The following TRIM51 variants were observed in gnomAD, a reference collection of about 807,000 sequenced individuals.
The protein encoded by TRIM51 is tripartite motif-containing 51.
In TRIM51, 23 loss-of-function variants were observed where a neutral mutation model predicts 32.7. The ratio of observed to expected loss-of-function variants is 0.70; its 90% CI spans 0.51 to 1.00. TRIM51 has a LOEUF of 1.00. TRIM51 is among the 50% of genes least tolerant of loss of function. TRIM51 has a pLI of 0.00. For synonymous variants in TRIM51, 177 were observed against 181.9 expected (o/e 0.97, Z 0.22); for missense variants, 592 against 539.2 (o/e 1.10, Z -0.97).
At position 55,891,588 on chromosome 11, in the gene TRIM51, T is replaced by C. The variant is rs1590636467; in HGVS notation, c.1315T>C (p.Phe439Leu). 2 of 1,613,410 alleles carry C rather than the reference T, an allele frequency of 1.2e-6. No homozygotes were observed. Among genetic ancestry groups the C allele is most frequent in the East Asian group, 4.5e-5 (2 of 44,850 alleles). Reference protein sequence around the residue: ...SLIYTIPNCSFSPPLRPIFCC... With the variant: ...SLIYTIPNCSLSPPLRPIFCC... ...GATATACACCATCCCCAATTGCTCC[T>C]TCTCACCTCCTCTCAGGCCTATCTT... is the stretch of plus-strand genomic sequence containing the variant. Residue 439 changes from phenylalanine (F) to leucine (L), a missense_variant, in exon 7 of 7, where the codon TTC becomes CTC. Coordinates refer to ENST00000449290, the MANE Select transcript of TRIM51 (RefSeq NM_032681.4).
In TRIM51 at chr11:55,891,701, G is replaced by A. The variant is rs561529025; in HGVS notation, c.*69G>A. The A allele has an allele frequency of 1.9e-4, 290 of 1,557,094 alleles. No individual in the cohort carries two copies. The highest frequency in any genetic ancestry group is 2.7e-4 in the East Asian group (12 of 44,576). Reference sequence around the variant, plus strand: ...TTTATCCCAGAAAGCCCTCTTTTTCGCACCTCATCAAACAGAACAAATAAG... The same window carrying A: ...TTTATCCCAGAAAGCCCTCTTTTTCACACCTCATCAAACAGAACAAATAAG... On this transcript the variant is annotated 3_prime_UTR_variant, in exon 7 of 7. Transcript: ENST00000449290.
At chr11:55,889,638 G>A (rs965866889) in intron 5 of TRIM51, among the ~76,000 whole-genome samples, 2 of 152,060 alleles carry the variant, frequency 1.3e-5, no homozygotes, top group Non-Finnish European at 2.9e-5. Flanking sequence ...GGAATTTCTG[G>A]TGAGGTCTGG....
intron 1 of TRIM51, among the ~76,000 whole-genome samples, chr11:55,884,153 ATAAC>A (rs1854542238): frequency 6.1e-5 from 5 of 82,296 alleles, no homozygotes; most frequent in African/African-American, 3.2e-4. Context: ...GTACATAACT[ATAAC>A]TATATATATA....
At chr11:55,884,182 T>TACATAC (rs1854546059) in intron 1 of TRIM51, among the ~76,000 whole-genome samples, 3 of 110,256 alleles carry the variant, frequency 2.7e-5, no homozygotes, top group African/African-American at 7.2e-5. Context: ...TATATATATA[T>TACATAC]ACACATACCA....
intron 1 of TRIM51, among the ~76,000 whole-genome samples, chr11:55,884,210 G>A (rs1854547443): frequency 1.0e-5 from 1 of 99,632 alleles, no homozygotes; most frequent in African/African-American, 3.6e-5. Context: ...TTACAATTGT[G>A]GTACAATTGC....
chr11:55,886,026 G>A, intron 2 of TRIM51, 97 bp from the exon 3 acceptor site: 1 of 1,482,642 alleles, frequency 6.7e-7, no homozygotes, highest in Admixed American at 2.1e-5. Flanking sequence ...TCTTTTCTGT[G>A]GGTTAATTTG....
intron 1 of TRIM51, among the ~76,000 whole-genome samples, chr11:55,885,009 T>G (rs374619639): frequency 1.1e-4 from 16 of 152,022 alleles, no homozygotes; most frequent in African/African-American, 3.6e-4. Flanking sequence ...TAGCAACCTC[T>G]GACCATCTTC....
In TRIM51 at chr11:55,891,268, G is replaced by A; in HGVS notation, c.995G>A (p.Gly332Glu). 2 of 1,609,446 alleles carry A rather than the reference G, an allele frequency of 1.2e-6. No homozygotes were observed. The highest frequency in any genetic ancestry group is 1.1e-5 in the South Asian group (1 of 91,070). The change falls in exon 7 of 7, where the codon GGG becomes GAG. Residue 332 changes from glycine (G) to glutamate (E), a missense_variant. Physicochemically the swap from Gly to Glu is moderately conservative, Grantham distance 98. Transcript: ENST00000449290. ...TGKSECFLVW[G>E]AQAFTSGKYY... The stretch of plus-strand genomic sequence containing the variant: ...AAATCTGAATGTTTTCTTGTATGGG[G>A]GGCTCAGGCTTTCACATCTGGCAAA...
At chr11:55,887,481 A>G (rs372322790) in intron 3 of TRIM51, among the ~76,000 whole-genome samples, 3 of 152,048 alleles carry the variant, frequency 2.0e-5, no homozygotes, top group Admixed American at 6.6e-5. Context: ...AACAGCATGT[A>G]CAGTAATATT....
chr11:55,891,732 T>C lies in TRIM51; in HGVS notation c.*100T>C. On this transcript the variant is annotated 3_prime_UTR_variant, in exon 7 of 7. Transcript: ENST00000449290. ...CATCAAACAGAACAAATAAGTTATA[T>C]TTAATGTCTTTAGTTGCATTCTAAT... 1.5e-6 allele frequency: 2 copies of C among 1,331,066 alleles called. No individual in the cohort carries two copies. The highest frequency in any genetic ancestry group is 2.1e-6 in the Non-Finnish European group (2 of 964,994). 82.5% of individuals were successfully genotyped at this position (1,331,066 alleles called of 1,614,324 possible). A position where few individuals can be genotyped will look rare whatever the true frequency, so the allele number is the denominator to read the frequency against.
rs185343351 is a variant in TRIM51, at chr11:55,889,583, G to A, written c.762-359G>A. 1.0e-3 allele frequency among the ~76,000 whole-genome samples: 153 copies of A among 152,222 alleles called. 2 individuals are homozygous for A. Among genetic ancestry groups the A allele is most frequent in the Non-Finnish European group, 1.8e-3 (125 of 68,008 alleles). On this transcript the variant is annotated intron_variant, in intron 5 of 6. Transcript: ENST00000449290. ...TGGCCTTGAGAAGGGAGCAACAGAC[G>A]CAGCAGTCTTAAAAATAACCCCACT...
rs1458218535 is a variant in TRIM51 at position 55,884,182 on chromosome 11, T to TATATATATATATATATAC, written c.-5+799_-5+800insTATATATATATATATACA. ...CTATATATATATATATATATATATA[T>TATATATATATATATATAC]ACACATACCAAAAATACTTACAATT... On this transcript the variant is annotated intron_variant, in intron 1 of 6. Coordinates refer to ENST00000449290, the MANE Select transcript of TRIM51 (RefSeq NM_032681.4). Among the ~76,000 whole-genome samples the TATATATATATATATATAC allele has an allele frequency of 2.4e-3, 268 of 110,076 alleles. 2 individuals are homozygous for TATATATATATATATATAC. Among genetic ancestry groups the TATATATATATATATATAC allele is most frequent in the Non-Finnish European group, 2.9e-3 (155 of 53,570 alleles). The allele number at this position is 110,076 out of a possible 152,430, so 72.2% of individuals were successfully genotyped here. A position where few individuals can be genotyped will look rare whatever the true frequency, so the allele number is the denominator to read the frequency against.
At position 55,891,476 on chromosome 11, in the gene TRIM51, T is replaced by C. The variant is rs367610040; in HGVS notation, c.1203T>C (p.Tyr401=). The change falls in exon 7 of 7, where the codon TAT becomes TAC. Residue 401 remains tyrosine, a synonymous_variant. Transcript: ENST00000449290. ...LFTTSPLVVQ[Y]VPRPTSTVGL... is the part of the protein sequence containing the mutation. Reference sequence around the variant, plus strand: ...CCACCTCCCCACTTGTGGTGCAATATGTTCCAAGACCTACCAGCACAGTAG... The same window carrying C: ...CCACCTCCCCACTTGTGGTGCAATACGTTCCAAGACCTACCAGCACAGTAG... 5.0e-6 allele frequency: 8 copies of C among 1,613,286 alleles called. No individual in the cohort carries two copies. Among genetic ancestry groups the C allele is most frequent in the Admixed American group, 1.7e-5 (1 of 59,970 alleles).
chr11:55,890,955 T>A (rs1267311893), intron 6 of TRIM51, among the ~76,000 whole-genome samples, 178 bp from the exon 7 acceptor site: 6 of 152,186 alleles, frequency 3.9e-5, no homozygotes, highest in Admixed American at 3.9e-4. Flanking sequence ...GTTTTGTTCT[T>A]CCTATAGAGA....
chr11:55,888,501 A>G (rs1854606911), intron 4 of TRIM51, among the ~76,000 whole-genome samples: 1 of 152,242 alleles, frequency 6.6e-6, no homozygotes, highest in Non-Finnish European at 1.5e-5. Context: ...GGTAACAGAC[A>G]GCACCAAGAA....
rs536958577 is a variant in TRIM51 at position 55,888,961 on chromosome 11, ATTT to A, written c.739-7_739-5del. On this transcript the variant is annotated splice_polypyrimidine_tract_variant and intron_variant, in intron 4 of 6. Transcript: ENST00000449290. Reference sequence around the variant, plus strand: ...CTTGTGGAAAGCGCTAAGCCTTTCTATTTTTTTTTTTTTACAGGCTTTTGGAGA... The same window carrying A: ...CTTGTGGAAAGCGCTAAGCCTTTCTATTTTTTTTTTACAGGCTTTTGGAGA... 29 of 1,377,094 alleles carry A rather than the reference ATTT, an allele frequency of 2.1e-5. No individual in the cohort carries two copies. The highest frequency in any genetic ancestry group is 2.8e-5 in the Non-Finnish European group (28 of 992,964). 85.3% of individuals were successfully genotyped at this position (1,377,094 alleles called of 1,614,324 possible).
intron 1 of TRIM51, among the ~76,000 whole-genome samples, chr11:55,884,255 C>T (rs1255669405): frequency 2.7e-5 from 4 of 145,966 alleles, no homozygotes; most frequent in African/African-American, 1.0e-4. Flanking sequence ...AGCCTAGGAA[C>T]AATATGCTAT....
chr11:55,891,050 T>A, intron 6 of TRIM51, 83 bp from the exon 7 acceptor site: 7 of 1,173,282 alleles, frequency 6.0e-6, no homozygotes, highest in Non-Finnish European at 2.3e-6. Flanking sequence ...TAAAGTAAAC[T>A]CTTGGTAGAA....
rs1339185660 is a variant in TRIM51 at position 55,891,146 on chromosome 11, G to T, written c.873G>T (p.Leu291=). The change falls in exon 7 of 7, where the codon CTG becomes CTT. Residue 291 remains leucine (L), a synonymous_variant. Coordinates refer to ENST00000449290, the MANE Select transcript of TRIM51 (RefSeq NM_032681.4). ...SLSGFRVDFT[L]QPERANSHIF... ...TTATTTTTGCAGTTGATTTTACTCTGCAGCCTGAAAGAGCCAATAGTCATA... is the reference window on the plus strand; with the variant it reads ...TTATTTTTGCAGTTGATTTTACTCTTCAGCCTGAAAGAGCCAATAGTCATA... 6.3e-7 allele frequency: 1 copy of T among 1,599,556 alleles called. No homozygotes were observed.
Sources: allele counts gnomAD v4.1 joint callset (sites outside exome capture counted in the v4.1 genomes callset), GRCh38; gene constraint gnomAD v4.1.1; transcripts MANE v1.5; gene names NCBI Gene and HGNC (gene_info 2026-07-23, HGNC 2026-07-21).